Variants in CDK18 observed in about 807,000 individuals in gnomAD.
CDK18 encodes cyclin-dependent kinase 18.
CDK18 carries 52 observed loss-of-function variants against 62.0 expected under a neutral mutation model. The ratio of observed to expected loss-of-function variants is 0.84; its 90% confidence interval spans 0.67 to 1.06. The LOEUF is 1.06. Among genes scored for constraint, CDK18 ranks in the 50% least tolerant of loss-of-function variants. The pLI is 0.00. For missense variants in CDK18, 604 were observed against 619.9 expected (o/e 0.97, Z 0.27); for synonymous variants, 237 against 247.0 (o/e 0.96, Z 0.38).
At chr1:205,526,627 T>C (rs911199971) in intron 7 of CDK18, 148 bp from the exon 8 acceptor site, 7 of 950,688 alleles carry the variant, frequency 7.4e-6, no homozygotes, top group Non-Finnish European at 1.0e-5. Flanking sequence ...GGCCAAGAGC[T>C]CAGGCTTACG....
intron 1 of CDK18, among the ~76,000 whole-genome samples, chr1:205,521,710 A>G (rs1225800063): frequency 2.6e-5 from 4 of 152,264 alleles, no homozygotes; most frequent in Non-Finnish European, 5.9e-5. Context: ...GGGGGCAGCC[A>G]GGAGCATGCG....
rs867185794 is a variant in CDK18 at position 205,507,647 on chromosome 1, A to T, written c.-22+2851A>T. On this transcript the variant is annotated intron_variant, in intron 1 of 15. Transcript: ENST00000429964. Reference sequence around the variant, plus strand: ...AGACTCCGTCTCAAAAAAAAAAAAAAAAAAAAAAAAAAAAAATAATGCACA... The same window carrying T: ...AGACTCCGTCTCAAAAAAAAAAAAATAAAAAAAAAAAAAAAATAATGCACA... Among the ~76,000 whole-genome samples the T allele has an allele frequency of 2.2e-3, 336 of 151,170 alleles. 2 individuals carry two copies. Among genetic ancestry groups the T allele is most frequent in the Middle Eastern group, 0.01 (3 of 292 alleles).
At chr1:205,515,173 A>ATTTTTTT (rs34027094) in intron 1 of CDK18, among the ~76,000 whole-genome samples, 15 of 117,754 alleles carry the variant, frequency 1.3e-4, no homozygotes, top group African/African-American at 3.9e-4. Context: ...GCTTTGAAGG[A>ATTTTTTT]TTTTTTTTTT....
At chr1:205,520,430 G>A (rs1432416896) in intron 1 of CDK18, among the ~76,000 whole-genome samples, 1 of 152,194 alleles carries the variant, frequency 6.6e-6, no homozygotes, top group Non-Finnish European at 1.5e-5. Context: ...TGAGTGCTGT[G>A]GCTCATGCCT....
intron 8 of CDK18, 98 bp downstream of exon 8, chr1:205,526,935 G>T: frequency 3.0e-6 from 3 of 999,564 alleles, no homozygotes; most frequent in Non-Finnish European, 4.8e-6. Context: ...CGGCTGCTGA[G>T]GTGGCTCAGA....
At chr1:205,525,984 C>A in intron 5 of CDK18, 81 bp from the exon 6 acceptor site, 1 of 967,374 alleles carries the variant, frequency 1.0e-6, no homozygotes, top group Non-Finnish European at 1.6e-6. Flanking sequence ...GTAGCCCAGG[C>A]AGAGGCACAA....
At chr1:205,526,000 G>T in intron 5 of CDK18, 65 bp from the exon 6 acceptor site, 1 of 1,152,720 alleles carries the variant, frequency 8.7e-7, no homozygotes, top group South Asian at 1.4e-5. Context: ...CACAAATGGG[G>T]AGGCACTGGA....
rs797009149 is a variant in CDK18, at chr1:205,527,475, ACTCTAAAAG to A, written c.730-318_730-310del. On this transcript the variant is annotated intron_variant, in intron 8 of 15. Coordinates refer to ENST00000429964, the MANE Select transcript of CDK18 (RefSeq NM_212502.3). This position sits in a 1 kb window ranked among gnomAD's most constrained non-coding sequence, Gnocchi z 4.1. Reference sequence around the variant, plus strand: ...GCCTGGGTGACAGAGTAAAACCCTGACTCTAAAAGAAAAAAAAAAAAAAAAGGGATCAAG... The same window carrying A: ...GCCTGGGTGACAGAGTAAAACCCTGAAAAAAAAAAAAAAAAAGGGATCAAG... 4.6e-3 allele frequency: 1,129 copies of A among 248,110 alleles called. 12 individuals are homozygous for A. The highest frequency in any genetic ancestry group is 0.026 in the African/African-American group (1,073 of 41,576). 15.4% of individuals were successfully genotyped at this position (248,110 alleles called of 1,614,324 possible). A position where few individuals can be genotyped will look rare whatever the true frequency, so the allele number is the denominator to read the frequency against.
Position 205,523,519 on chromosome 1 carries a change from A to C in CDK18, c.167A>C (p.Gln56Pro), listed in dbSNP as rs753805512. 6.2e-7 allele frequency: 1 copy of C among 1,606,450 alleles called. No individual in the cohort carries two copies. Among genetic ancestry groups the C allele is most frequent in the South Asian group, 1.1e-5 (1 of 89,628 alleles). The change falls in exon 3 of 16, where the codon CAG becomes CCG. Residue 56 changes from glutamine (Q) to proline (P), a missense_variant. Transcript: ENST00000429964. ...GGTCCTCTTGGCAGAGACCCCCCGC[A>C]GGAGTGCAGCACCTTCTCCCCAACA... is the stretch of plus-strand genomic sequence containing the variant. ...QLGPLGRDPP[Q>P]ECSTFSPTDS...
chr1:205,506,120 C>T (rs1218257479), intron 1 of CDK18, among the ~76,000 whole-genome samples: 2 of 152,214 alleles, frequency 1.3e-5, no homozygotes, highest in African/African-American at 4.8e-5. Flanking sequence ...GATCCCCTGC[C>T]TTTAGCCTGG....
rs778375126 is a variant in CDK18, at chr1:205,523,201, C to A, written c.34C>A (p.Arg12Ser). ...IMNKMKNFKR[R>S]FSLSVPRTET... ...GAACAAGATGAAGAACTTTAAGCGC[C>A]GTTTCTCCCTGTCAGTGCCCCGCAC... The change falls in exon 2 of 16, where the codon CGT (arginine) becomes AGT (serine). Residue 12 changes from arginine to serine, a missense_variant. By Grantham distance (110) the Arg-to-Ser change is moderately radical (BLOSUM62 -1). Coordinates refer to ENST00000429964, the MANE Select transcript of CDK18 (RefSeq NM_212502.3). 4 of 1,613,628 alleles carry A rather than the reference C, an allele frequency of 2.5e-6. No individual in the cohort carries two copies. Among genetic ancestry groups the A allele is most frequent in the Middle Eastern group, 1.7e-4 (1 of 6,056 alleles).
intron 1 of CDK18, among the ~76,000 whole-genome samples, chr1:205,520,837 C>A (rs910502066): frequency 6.6e-6 from 1 of 152,194 alleles, no homozygotes; most frequent in East Asian, 1.9e-4. Flanking sequence ...GACCCACACC[C>A]CCTGCCACCA....
chr1:205,531,513 C>A lies in CDK18; in HGVS notation c.*135C>A. 1.3e-6 allele frequency: 1 copy of A among 779,778 alleles called. No individual in the cohort carries two copies. Among genetic ancestry groups the A allele is most frequent in the Non-Finnish European group, 2.2e-6 (1 of 449,560 alleles). The allele number at this position is 779,778 out of a possible 1,614,324, so 48.3% of individuals were successfully genotyped here. The stretch of plus-strand genomic sequence containing the variant: ...CCAGCCTGGAAGACCGCTTGGCAGC[C>A]CTTCTGGCCACGGCTGTTTCTTCTT... On this transcript the variant is annotated 3_prime_UTR_variant, in exon 16 of 16. Coordinates refer to ENST00000429964, the MANE Select transcript of CDK18 (RefSeq NM_212502.3).
chr1:205,527,857 G>A lies in CDK18; in HGVS notation c.793G>A (p.Asp265Asn), dbSNP rs980809703. ...TCACCACCGCAAGATCCTGCACCGG[G>A]ACCTGAAGCCCCAGAACCTGCTCAT... ...YCHHRKILHR[D>N]LKPQNLLINE... Residue 265 changes from aspartate to asparagine, a missense_variant, in exon 9 of 16, where the codon GAC becomes AAC. Physicochemically the swap from Asp to Asn is conservative, Grantham distance 23. Coordinates refer to ENST00000429964, the MANE Select transcript of CDK18 (RefSeq NM_212502.3). The surrounding 1 kb of genome is among the most constrained non-coding windows in gnomAD (Gnocchi z 4.1). 1 of 1,614,130 alleles carries A rather than the reference G, an allele frequency of 6.2e-7. No homozygotes were observed. Among genetic ancestry groups the A allele is most frequent in the Non-Finnish European group, 8.5e-7 (1 of 1,180,014 alleles).
Position 205,516,731 on chromosome 1 carries a change from C to G in CDK18, c.-21-6416C>G, listed in dbSNP as rs534337255. 6.6e-6 allele frequency: 1 copy of G among 152,224 alleles called. No homozygotes were observed. The highest frequency in any genetic ancestry group is 6.5e-5 in the Admixed American group (1 of 15,280). 9.4% of individuals were successfully genotyped at this position (152,224 alleles called of 1,614,324 possible). On this transcript the variant is annotated intron_variant, in intron 1 of 15. Transcript: ENST00000429964. The surrounding 1 kb of genome is among the most constrained non-coding windows in gnomAD (Gnocchi z 4.8). ...AGGAAGCTCCTGAAGGCCCCAGAGA[C>G]TTGTACAGCATGCAGGGGCAATGAA... is the stretch of plus-strand genomic sequence containing the variant.
intron 5 of CDK18, among the ~76,000 whole-genome samples, chr1:205,525,477 A>T (rs1668378661): frequency 6.6e-6 from 1 of 152,184 alleles, no homozygotes; most frequent in Non-Finnish European, 1.5e-5. Context: ...CCTGGGTTCA[A>T]AACCTAGCTC....
chr1:205,519,346 G>A (rs190096608), intron 1 of CDK18, among the ~76,000 whole-genome samples: 1 of 147,862 alleles, frequency 6.8e-6, no homozygotes, highest in African/African-American at 2.5e-5. Flanking sequence ...ACCCTGCTGG[G>A]TTCAATGCCC....
At chr1:205,526,882 T>C (rs1346342015) in intron 8 of CDK18, 45 bp downstream of exon 8, 2 of 1,511,782 alleles carry the variant, frequency 1.3e-6, no homozygotes, top group Non-Finnish European at 1.8e-6. Context: ...CAGCCACCTG[T>C]CCAGAAGCCC....
chr1:205,530,866 G>C (rs1057135135), intron 15 of CDK18, among the ~76,000 whole-genome samples, 161 bp downstream of exon 15: 1 of 152,122 alleles, frequency 6.6e-6, no homozygotes, highest in Admixed American at 6.5e-5. Context: ...AGACTTCCTC[G>C]TCCAGCTCTT....
Sources: allele counts gnomAD v4.1 joint callset (sites outside exome capture counted in the v4.1 genomes callset), GRCh38; gene constraint gnomAD v4.1.1; non-coding constraint Gnocchi (gnomAD v3.1); transcripts MANE v1.5; gene names NCBI Gene and HGNC (gene_info 2026-07-23, HGNC 2026-07-21).